The following KCNIP4 variants were observed in gnomAD, a reference collection of about 807,000 sequenced individuals.
The protein encoded by KCNIP4 is potassium voltage-gated channel interacting protein 4.
KCNIP4 carries 12 observed loss-of-function variants against 34.0 expected under a neutral mutation model. The observed-to-expected ratio is 0.35, with a 90% CI of 0.23 to 0.57. KCNIP4 has a LOEUF of 0.57. Among genes scored for constraint, KCNIP4 ranks in the 20% least tolerant of loss-of-function variants. The pLI, the probability that KCNIP4 is intolerant of heterozygous loss-of-function variation, is 0.83. For missense variants in KCNIP4, 238 were observed against 311.7 expected (o/e 0.76, Z 1.78); for synonymous variants, 124 against 102.2 (o/e 1.21, Z -1.29).
chr4:21,768,715 A>G (rs1577963307), intron 1 of KCNIP4, among the ~76,000 whole-genome samples: 1 of 152,266 alleles, frequency 6.6e-6, no homozygotes, highest in Non-Finnish European at 1.5e-5. Context: ...CTCATGGTAC[A>G]AAATTTTATA....
chr4:20,951,957 CAAT>C (rs1295201472), intron 1 of KCNIP4, among the ~76,000 whole-genome samples: 3 of 152,128 alleles, frequency 2.0e-5, no homozygotes, highest in Non-Finnish European at 4.4e-5. Flanking sequence ...TCTCCAACAA[CAAT>C]AATAATATAC....
At chr4:21,057,875 G>T (rs1385372335) in intron 1 of KCNIP4, among the ~76,000 whole-genome samples, 1 of 152,158 alleles carries the variant, frequency 6.6e-6, no homozygotes, top group Non-Finnish European at 1.5e-5. Flanking sequence ...TAGCATGTCA[G>T]TTATCTTTAT....
chr4:21,484,564 G>A (rs442224), intron 1 of KCNIP4, among the ~76,000 whole-genome samples: 105,029 of 151,806 alleles, frequency 0.69, 36,722 homozygotes, highest in African/African-American at 0.79. Flanking sequence ...CATACACTGT[G>A]CAACCTGACA....
intron 1 of KCNIP4, among the ~76,000 whole-genome samples, chr4:21,689,349 T>C (rs184243339): frequency 1.6e-4 from 24 of 152,258 alleles, no homozygotes; most frequent in African/African-American, 5.1e-4. Context: ...AGATCAGTAA[T>C]AGCGACAAAT....
chr4:21,340,532 T>C (rs1716650161), intron 1 of KCNIP4, among the ~76,000 whole-genome samples: 2 of 152,148 alleles, frequency 1.3e-5, no homozygotes, highest in Admixed American at 6.6e-5. Flanking sequence ...AGTTATGGTA[T>C]AGTACAAGGC....
chr4:20,760,059 T>C (rs886107496), intron 3 of KCNIP4, among the ~76,000 whole-genome samples: 8 of 152,298 alleles, frequency 5.3e-5, no homozygotes, highest in African/African-American at 1.9e-4. Context: ...GGCGACTATA[T>C]TTATTGACAA....
chr4:21,177,320 G>T (rs914550582), intron 1 of KCNIP4, among the ~76,000 whole-genome samples: 3 of 151,998 alleles, frequency 2.0e-5, no homozygotes, highest in Admixed American at 6.6e-5. Context: ...AATTCAATAA[G>T]AATAAACACA....
At chr4:21,189,704 A>C (rs1323113879) in intron 1 of KCNIP4, among the ~76,000 whole-genome samples, 1 of 152,216 alleles carries the variant, frequency 6.6e-6, no homozygotes, top group Non-Finnish European at 1.5e-5. Context: ...CTCAGTTAAA[A>C]GGTTTTGCCA....
intron 1 of KCNIP4, among the ~76,000 whole-genome samples, chr4:21,572,555 C>T (rs1040980089): frequency 6.6e-6 from 1 of 151,914 alleles, no homozygotes; most frequent in Non-Finnish European, 1.5e-5. Context: ...CATCATCTTC[C>T]TTCTAAACAC....
At chr4:21,477,870 C>G (rs970254126) in intron 1 of KCNIP4, among the ~76,000 whole-genome samples, 24 of 152,174 alleles carry the variant, frequency 1.6e-4, no homozygotes, top group African/African-American at 4.6e-4. Flanking sequence ...CAAAGGAACA[C>G]AAGCCTGGTG....
At chr4:21,901,620 T>C (rs1578126734) in intron 1 of KCNIP4, among the ~76,000 whole-genome samples, 1 of 152,248 alleles carries the variant, frequency 6.6e-6, no homozygotes, top group East Asian at 1.9e-4. Flanking sequence ...AGTGCCCACA[T>C]TTTGCAAAAA....
In KCNIP4 at chr4:21,439,161, C is replaced by CAA. The variant is rs76317670; in HGVS notation, c.61+509408_61+509409dup. 5.3e-3 allele frequency among the ~76,000 whole-genome samples: 498 copies of CAA among 93,164 alleles called. 3 individuals carry two copies. Among genetic ancestry groups the CAA allele is most frequent in the Admixed American group, 0.011 (86 of 7,650 alleles). The allele number at this position is 93,164 out of a possible 152,430, so 61.1% of individuals were successfully genotyped here. Reference sequence around the variant, plus strand: ...TGGGCGACAGAGCAATAATCTGTCTCAAAAAAAAAAAAAAAAAAAGTAGAG... The same window carrying CAA: ...TGGGCGACAGAGCAATAATCTGTCTCAAAAAAAAAAAAAAAAAAAAAGTAGAG... On this transcript the variant is annotated intron_variant, in intron 1 of 8. Coordinates refer to ENST00000382152, the MANE Select transcript of KCNIP4 (RefSeq NM_025221.6).
rs529398017 is a variant in KCNIP4 at position 21,080,734 on chromosome 4, A to C, written c.62-198025T>G. Among the ~76,000 whole-genome samples the C allele has an allele frequency of 5.3e-5, 8 of 151,902 alleles. No individual in the cohort carries two copies. The South Asian group carries it at 1.7e-3, about 31-fold the overall frequency. On this transcript the variant is annotated intron_variant, in intron 1 of 8. Coordinates refer to ENST00000382152, the MANE Select transcript of KCNIP4 (RefSeq NM_025221.6). ...TTATATATTTACTTTATTTATTCTA[A>C]TTTTGTTATTCCTATACTGTCTAGG...
chr4:21,692,184 T>TG (rs1329652472), intron 1 of KCNIP4, among the ~76,000 whole-genome samples: 1 of 152,164 alleles, frequency 6.6e-6, no homozygotes, highest in Non-Finnish European at 1.5e-5. Flanking sequence ...AAAGAGGCTT[T>TG]AACCCTGCAA....
At chr4:21,832,746 C>G (rs1723071484) in intron 1 of KCNIP4, among the ~76,000 whole-genome samples, 1 of 115,968 alleles carries the variant, frequency 8.6e-6, no homozygotes, top group Non-Finnish European at 1.7e-5. Context: ...CCCCCTCCCC[C>G]CACCCCACAA....
At chr4:21,931,662 C>A (rs1220802613) in intron 1 of KCNIP4, among the ~76,000 whole-genome samples, 1 of 151,972 alleles carries the variant, frequency 6.6e-6, no homozygotes, top group African/African-American at 2.4e-5. Context: ...ACACATTTTC[C>A]TAATTCAGTC....
At chr4:21,812,066 C>T (rs1047006828) in intron 1 of KCNIP4, among the ~76,000 whole-genome samples, 3 of 152,186 alleles carry the variant, frequency 2.0e-5, no homozygotes, top group Non-Finnish European at 4.4e-5. Context: ...AAAAATGTCT[C>T]TAGGTATCCC....
At chr4:21,747,930 G>T (rs1260268091) in intron 1 of KCNIP4, among the ~76,000 whole-genome samples, 1 of 152,132 alleles carries the variant, frequency 6.6e-6, no homozygotes, top group Non-Finnish European at 1.5e-5. Flanking sequence ...AAGCCATGTG[G>T]AGTCAGAGGC....
intron 1 of KCNIP4, among the ~76,000 whole-genome samples, chr4:21,390,000 A>G (rs182658617): frequency 0.74 from 96,869 of 130,146 alleles, 38,164 homozygotes; most frequent in Non-Finnish European, 0.88. Flanking sequence ...CCTTCTAACT[A>G]CTGTGAGATG....
Sources: gnomAD v4.1 joint callset for allele counts (sites outside exome capture counted in the v4.1 genomes callset) on GRCh38, gnomAD v4.1.1 for gene constraint, MANE v1.5 for transcripts, NCBI Gene and HGNC (gene_info 2026-07-23, HGNC 2026-07-21) for gene names.